Variants in RPTOR observed in about 807,000 individuals in gnomAD.
The protein encoded by RPTOR is regulatory associated protein of MTOR complex 1.
In RPTOR, 21 loss-of-function variants were observed where a neutral mutation model predicts 169.9. That is an observed-to-expected ratio of 0.12 (90% CI 0.09 to 0.18). The LOEUF (loss-of-function observed/expected upper bound fraction) is 0.18, where lower values mean the gene tolerates loss of function less well. RPTOR is among the 10% of genes least tolerant of loss of function. RPTOR has a pLI of 1.00. For missense variants in RPTOR, 1,133 were observed against 1,855.9 expected, an observed-to-expected ratio of 0.61 and a Z score of 7.16; for synonymous variants, 732 against 753.2, an observed-to-expected ratio of 0.97 and a Z score of 0.46.
At chr17:80,841,669 G>A (rs73368820) in intron 10 of RPTOR, among the ~76,000 whole-genome samples, 17,458 of 101,068 alleles carry the variant, frequency 0.17, 3,438 homozygotes, top group African/African-American at 0.51. Context: ...TCACCGCGCC[G>A]CAGCTCACAC....
chr17:80,778,027 CAA>C (rs778480192), intron 6 of RPTOR, among the ~76,000 whole-genome samples: 3 of 152,168 alleles, frequency 2.0e-5, no homozygotes, highest in Non-Finnish European at 4.4e-5. Flanking sequence ...TGGGAAAAGA[CAA>C]AACCTAAGGG....
intron 20 of RPTOR, among the ~76,000 whole-genome samples, chr17:80,901,642 T>C (rs1253893868): frequency 6.6e-6 from 1 of 152,206 alleles, no homozygotes; most frequent in Non-Finnish European, 1.5e-5. Flanking sequence ...AGCCAATTTC[T>C]TCTTTCATTT....
intron 2 of RPTOR, among the ~76,000 whole-genome samples, chr17:80,626,590 TTGTG>T (rs1312486715): frequency 2.6e-5 from 4 of 151,962 alleles, no homozygotes; most frequent in Non-Finnish European, 5.9e-5. Flanking sequence ...CACAACAACC[TTGTG>T]TGGTAGGGTT....
intron 1 of RPTOR, among the ~76,000 whole-genome samples, chr17:80,552,035 C>T (rs1031945851): frequency 3.3e-5 from 5 of 152,106 alleles, no homozygotes; most frequent in Non-Finnish European, 5.9e-5. Context: ...TCAGAGAGCA[C>T]GGGGTTGGGG....
intron 3 of RPTOR, among the ~76,000 whole-genome samples, chr17:80,684,538 G>A (rs1276220309): frequency 2.6e-5 from 4 of 151,114 alleles, no homozygotes; most frequent in African/African-American, 7.3e-5. Context: ...TCCTCCTCCC[G>A]GGTTCACGCC....
chr17:80,733,143 A>T (rs1384004308), intron 5 of RPTOR, among the ~76,000 whole-genome samples: 1 of 152,178 alleles, frequency 6.6e-6, no homozygotes, highest in Non-Finnish European at 1.5e-5. Context: ...TTTATTGTTT[A>T]CTTCTCTCTC....
At chr17:80,818,913 G>A (rs924189888) in intron 7 of RPTOR, among the ~76,000 whole-genome samples, 4 of 152,214 alleles carry the variant, frequency 2.6e-5, no homozygotes, top group Non-Finnish European at 2.9e-5. Context: ...GTGGGACCTC[G>A]TGGGAAGCTC....
chr17:80,827,515 TG>T (rs1244002836), intron 9 of RPTOR, among the ~76,000 whole-genome samples: 5 of 152,288 alleles, frequency 3.3e-5, no homozygotes, highest in Admixed American at 3.3e-4. Context: ...CCTCACCTAG[TG>T]CCACACACAG....
chr17:80,639,795 G>C lies in RPTOR; in HGVS notation c.266-3933G>C, dbSNP rs568628417. On this transcript the variant is annotated intron_variant, in intron 2 of 33. Coordinates refer to ENST00000306801, the MANE Select transcript of RPTOR (RefSeq NM_020761.3). ...TGGGTGAACATGTTAGCAGTGGCTGGTGGAGTGCCAGCTCTTTGGAAGGTG... is the reference window on the plus strand; with the variant it reads ...TGGGTGAACATGTTAGCAGTGGCTGCTGGAGTGCCAGCTCTTTGGAAGGTG... Among the ~76,000 whole-genome samples, 249 of 152,334 alleles carry C rather than the reference G, an allele frequency of 1.6e-3. 2 individuals carry two copies. Among genetic ancestry groups the C allele is most frequent in the African/African-American group, 5.8e-3 (241 of 41,574 alleles).
At position 80,961,275 on chromosome 17, in the gene RPTOR, G is replaced by A. The variant is rs369863732; in HGVS notation, c.3606-119G>A. 874 of 883,706 alleles carry A rather than the reference G, an allele frequency of 9.9e-4. 18 individuals carry two copies. The South Asian group carries it at 0.013, about 13-fold the overall frequency. The allele number at this position is 883,706 out of a possible 1,614,324, so 54.7% of individuals were successfully genotyped here. A position where few individuals can be genotyped will look rare whatever the true frequency, so the allele number is the denominator to read the frequency against. Reference sequence around the variant, plus strand: ...CACTAGCCCCTCGTGGGGAGCGGACGGGCGAGGGCCTGCGGACCCGCTGGC... The same window carrying A: ...CACTAGCCCCTCGTGGGGAGCGGACAGGCGAGGGCCTGCGGACCCGCTGGC... On this transcript the variant is annotated intron_variant, in intron 30 of 33. Transcript: ENST00000306801.
At position 80,923,583 on chromosome 17, in the gene RPTOR, G is replaced by A. The variant is rs199647030; in HGVS notation, c.2718G>A (p.Pro906=). The A allele has an allele frequency of 1.3e-4, 211 of 1,613,306 alleles. 2 individuals carry two copies. The Admixed American group carries it at 1.8e-3, about 13-fold the overall frequency. The change falls in exon 23 of 34, where the codon CCG becomes CCA. Residue 906 remains proline (P), a synonymous_variant. Coordinates refer to ENST00000306801, the MANE Select transcript of RPTOR (RefSeq NM_020761.3). ...GCCGAGACTTGCCTTCTGGCCGGCC[G>A]GGCACCACAGGCCCCGCTGGGGCGC... The part of the protein sequence containing the change: ...PVSRDLPSGR[P]GTTGPAGAQY...
rs1293239648 is a variant in RPTOR, at chr17:80,609,803, GTGTGT to G, written c.163-15886_163-15882del. On this transcript the variant is annotated intron_variant, in intron 1 of 33. Coordinates refer to ENST00000306801, the MANE Select transcript of RPTOR (RefSeq NM_020761.3). The surrounding 1 kb of genome is among the most constrained non-coding windows in gnomAD (Gnocchi z 4.8). ...TGTGTGTGTGTGTGTGTGTGTGTGT[GTGTGT>G]TAAGAGAGCCATTGTAGGCTACATG... Among the ~76,000 whole-genome samples the G allele has an allele frequency of 1.9e-4, 29 of 151,628 alleles. No homozygotes were observed. The highest frequency in any genetic ancestry group is 3.8e-4 in the Non-Finnish European group (26 of 67,868).
chr17:80,936,970 C>CA lies in RPTOR; in HGVS notation c.2920-3525dup, dbSNP rs768183916. 4.6e-5 allele frequency among the ~76,000 whole-genome samples: 7 copies of CA among 152,226 alleles called. No homozygotes were observed. Among genetic ancestry groups the CA allele is most frequent in the Non-Finnish European group, 1.0e-4 (7 of 68,048 alleles). ...AAATCACCTCTGTTGCCTGTGGACT[C>CA]ACGACGCACACCACTACCTCTTCCG... is the stretch of plus-strand genomic sequence containing the variant. On this transcript the variant is annotated intron_variant, in intron 24 of 33. Transcript: ENST00000306801. The surrounding 1 kb of genome is among the most constrained non-coding windows in gnomAD (Gnocchi z 4.1).
chr17:80,890,192 T>C (rs1275968134), intron 17 of RPTOR, among the ~76,000 whole-genome samples: 1 of 152,156 alleles, frequency 6.6e-6, no homozygotes, highest in Non-Finnish European at 1.5e-5. Context: ...TGGCCTCCCC[T>C]GAATCGAAGG....
intron 13 of RPTOR, among the ~76,000 whole-genome samples, chr17:80,879,738 A>C (rs2068164733): frequency 6.6e-6 from 1 of 152,198 alleles, no homozygotes. Flanking sequence ...GACAGCACAC[A>C]GTAGGTCCTC....
intron 3 of RPTOR, among the ~76,000 whole-genome samples, chr17:80,668,701 G>A (rs924977878): frequency 6.6e-6 from 1 of 152,194 alleles, no homozygotes; most frequent in Non-Finnish European, 1.5e-5. Context: ...CCAGCTACCT[G>A]GCAGTCATTA....
chr17:80,740,746 A>C (rs2066475368), intron 5 of RPTOR, among the ~76,000 whole-genome samples: 1 of 152,236 alleles, frequency 6.6e-6, no homozygotes, highest in African/African-American at 2.4e-5. Flanking sequence ...TCAGTGAACT[A>C]AGAATAGAGA....
intron 1 of RPTOR, among the ~76,000 whole-genome samples, chr17:80,557,427 G>T (rs886746537): frequency 6.6e-6 from 1 of 151,548 alleles, no homozygotes; most frequent in Non-Finnish European, 1.5e-5. Flanking sequence ...TGAGGTATGA[G>T]AATCGCTTGA....
intron 17 of RPTOR, among the ~76,000 whole-genome samples, chr17:80,891,205 T>A (rs1315521430): frequency 6.6e-6 from 1 of 152,218 alleles, no homozygotes; most frequent in Non-Finnish European, 1.5e-5. Flanking sequence ...CTTTTCCCGT[T>A]CCCTCTTAGG....
Sources: allele counts gnomAD v4.1 joint callset (sites outside exome capture counted in the v4.1 genomes callset), GRCh38; gene constraint gnomAD v4.1.1; non-coding constraint Gnocchi (gnomAD v3.1); transcripts MANE v1.5; gene names NCBI Gene and HGNC (gene_info 2026-07-23, HGNC 2026-07-21).